DIAPH2: variants seen among roughly 807,000 people sequenced by gnomAD.
DIAPH2 encodes the protein diaphanous related formin 2.
In DIAPH2, 35 loss-of-function variants were observed where a neutral mutation model predicts 92.7. The ratio of observed to expected loss-of-function variants is 0.38; its 90% CI spans 0.29 to 0.50. DIAPH2 has a LOEUF of 0.50. DIAPH2 is among the 20% of genes least tolerant of loss of function. DIAPH2 has a pLI of 0.94. For synonymous variants in DIAPH2, 301 were observed against 280.4 expected, an observed-to-expected ratio of 1.07 and a Z score of -0.73; for missense variants, 701 against 819.5, an observed-to-expected ratio of 0.86 and a Z score of 1.77.
At chrX:97,361,519 T>C (rs1451466169) in intron 24 of DIAPH2, among the ~76,000 whole-genome samples, 1 of 112,429 alleles carries the variant, frequency 8.9e-6, no homozygotes, top group African/African-American at 3.2e-5. Flanking sequence ...TGCCTTTAGC[T>C]GCCTAGTGAC....
At chrX:96,713,513 A>T in intron 1 of DIAPH2, among the ~76,000 whole-genome samples, 1 of 111,663 alleles carries the variant, frequency 9.0e-6, no homozygotes, top group Non-Finnish European at 1.9e-5. Context: ...CCCAGAGTCC[A>T]TAGTTCAGGT....
chrX:97,533,414 C>T (rs759268770), intron 26 of DIAPH2: 1 of 111,443 alleles, frequency 9.0e-6, no homozygotes, highest in Non-Finnish European at 1.9e-5. Context: ...AACAGTTCCT[C>T]ATACCATTGC....
intron 23 of DIAPH2, among the ~76,000 whole-genome samples, chrX:97,254,492 CAA>C (rs1172020847): frequency 3.1e-4 from 9 of 29,054 alleles, no homozygotes; most frequent in African/African-American, 5.7e-4. Context: ...AACTCTGTCT[CAA>C]AAAAAAAAAA....
chrX:96,803,412 T>C (rs997354305), intron 4 of DIAPH2, among the ~76,000 whole-genome samples: 1 of 111,967 alleles, frequency 8.9e-6, no homozygotes, highest in African/African-American at 3.2e-5. Flanking sequence ...AAATCTGATA[T>C]GTTAGCCCCT....
rs976137144 is a variant in DIAPH2, at chrX:97,183,024, A to T, written c.2719+41230A>T. On this transcript the variant is annotated intron_variant, in intron 22 of 26. Transcript: ENST00000324765. ...GTGAATACCTCATTTAAATATAGAAATAAGAGTTATCAGAGAAGCTGGGTG... is the reference window on the plus strand; with the variant it reads ...GTGAATACCTCATTTAAATATAGAATTAAGAGTTATCAGAGAAGCTGGGTG... Among the ~76,000 whole-genome samples, 3 of 112,083 alleles carry T rather than the reference A, an allele frequency of 2.7e-5. No individual in the cohort carries two copies. In the Admixed American group the frequency reaches 2.9e-4, roughly 11 times the overall value.
chrX:97,044,396 C>T (rs1453678561), intron 17 of DIAPH2, among the ~76,000 whole-genome samples: 1 of 111,144 alleles, frequency 9.0e-6, no homozygotes, highest in Non-Finnish European at 1.9e-5. Flanking sequence ...AAGTACACAC[C>T]ACACAAACAC....
At chrX:96,768,848 G>A (rs2064320276) in intron 4 of DIAPH2, among the ~76,000 whole-genome samples, 1 of 111,479 alleles carries the variant, frequency 9.0e-6, no homozygotes, top group Non-Finnish European at 1.9e-5. Flanking sequence ...CATAGTTAGT[G>A]GGTTGTTAAT....
intron 4 of DIAPH2, among the ~76,000 whole-genome samples, chrX:96,848,605 A>G (rs1569412159): frequency 8.9e-6 from 1 of 111,928 alleles, no homozygotes. Context: ...TGTCTTCTAT[A>G]TCAAGCAATG....
At chrX:97,519,358 T>A (rs1222409203) in intron 26 of DIAPH2, among the ~76,000 whole-genome samples, 1 of 111,657 alleles carries the variant, frequency 9.0e-6, no homozygotes. Flanking sequence ...CAAAAAAAAT[T>A]CACATTTATG....
chrX:97,471,832 G>A (rs2070566581), intron 26 of DIAPH2, among the ~76,000 whole-genome samples: 1 of 110,819 alleles, frequency 9.0e-6, no homozygotes, highest in South Asian at 3.8e-4. Context: ...ACATTCCTGA[G>A]CATTAGGTTT....
chrX:97,241,450 A>G (rs1180506565), intron 22 of DIAPH2, among the ~76,000 whole-genome samples: 1 of 110,552 alleles, frequency 9.0e-6, no homozygotes, highest in African/African-American at 3.3e-5. Context: ...GGTGCCTGCC[A>G]CCGCGCCCTG....
At chrX:97,451,421 G>A (rs1018806971) in intron 26 of DIAPH2, among the ~76,000 whole-genome samples, 2 of 111,183 alleles carry the variant, frequency 1.8e-5, no homozygotes, top group Non-Finnish European at 3.8e-5. Flanking sequence ...TATTAGAAAG[G>A]GAAGCATTGT....
At chrX:97,415,736 G>A (rs2069938052) in intron 25 of DIAPH2, among the ~76,000 whole-genome samples, 1 of 110,253 alleles carries the variant, frequency 9.1e-6, no homozygotes. Flanking sequence ...ATAGCATTAG[G>A]AGAAATACCT....
chrX:96,871,456 C>T (rs1271920703), intron 4 of DIAPH2, among the ~76,000 whole-genome samples: 1 of 74,115 alleles, frequency 1.3e-5, no homozygotes, highest in Non-Finnish European at 2.3e-5. Flanking sequence ...GGCGACAGAG[C>T]GAGACTCCGT....
In DIAPH2 at chrX:96,944,514, A is replaced by G. The variant is rs1372890467; in HGVS notation, c.1445-1013A>G. Among the ~76,000 whole-genome samples the G allele has an allele frequency of 2.7e-5, 3 of 112,104 alleles. No individual in the cohort carries two copies. In the Admixed American group the frequency reaches 2.8e-4, roughly 11 times the overall value. ...ATTGTCCTTTTAGTTCTTTCTTTCC[A>G]TGTCTACCACATCTTCCCATCCTGG... is the stretch of plus-strand genomic sequence containing the variant. On this transcript the variant is annotated intron_variant, in intron 13 of 26. Transcript: ENST00000324765.
At chrX:97,454,431 T>C (rs1748662658) in intron 26 of DIAPH2, among the ~76,000 whole-genome samples, 1 of 111,985 alleles carries the variant, frequency 8.9e-6, no homozygotes, top group Admixed American at 9.5e-5. Flanking sequence ...AATTAAAAAA[T>C]TGGAGTGAAA....
At chrX:97,544,771 G>A (rs187908038) in intron 26 of DIAPH2, among the ~76,000 whole-genome samples, 2 of 111,860 alleles carry the variant, frequency 1.8e-5, no homozygotes, top group East Asian at 5.6e-4. Context: ...TGAATCATTG[G>A]GTTAACATTC....
chrX:96,700,326 G>T (rs772730163), intron 1 of DIAPH2, among the ~76,000 whole-genome samples: 1 of 112,481 alleles, frequency 8.9e-6, no homozygotes, highest in Non-Finnish European at 1.9e-5. Flanking sequence ...CTATGGTACA[G>T]TCTTCTCTGA....
intron 22 of DIAPH2, among the ~76,000 whole-genome samples, chrX:97,192,682 G>T (rs2067664695): frequency 9.0e-6 from 1 of 111,463 alleles, no homozygotes; most frequent in African/African-American, 3.3e-5. Flanking sequence ...CTACTTTTAT[G>T]AGATGACGGT....
Sources: gnomAD v4.1 joint callset for allele counts (sites outside exome capture counted in the v4.1 genomes callset) on GRCh38, gnomAD v4.1.1 for gene constraint, MANE v1.5 for transcripts, NCBI Gene and HGNC (gene_info 2026-07-23, HGNC 2026-07-21) for gene names.